PSD3: variants seen among roughly 807,000 people sequenced by gnomAD.
The protein encoded by PSD3 is pleckstrin and Sec7 domain containing 3.
PSD3 carries 49 observed loss-of-function variants against 105.5 expected under a neutral mutation model. The observed-to-expected ratio is 0.46, with a 90% CI of 0.37 to 0.59. The LOEUF is 0.59. PSD3 is among the 20% of genes least tolerant of loss of function. The pLI, the probability that PSD3 is intolerant of heterozygous loss-of-function variation, is 0.00. For missense variants in PSD3, 1,561 were observed against 1,263.8 expected (o/e 1.24, Z -3.57); for synonymous variants, 557 against 457.8 (o/e 1.22, Z -2.77).
intron 4 of PSD3, among the ~76,000 whole-genome samples, chr8:18,855,015 G>A (rs561256791): frequency 1.3e-5 from 2 of 152,264 alleles, no homozygotes; most frequent in African/African-American, 2.4e-5. Flanking sequence ...GAGATCCACT[G>A]GAAGCCGTGG....
chr8:18,547,313 T>C (rs1176631806), intron 15 of PSD3, among the ~76,000 whole-genome samples: 1 of 152,198 alleles, frequency 6.6e-6, no homozygotes. Context: ...TCTGAAGCAA[T>C]GTAGCTGTGT....
chr8:18,799,133 TA>T, intron 8 of PSD3, 161 bp downstream of exon 8: 3 of 652,508 alleles, frequency 4.6e-6, no homozygotes, highest in Non-Finnish European at 5.3e-6. Context: ...GCATGTGAAA[TA>T]AAAAAATTAT....
chr8:18,949,062 A>C (rs1168801643), intron 1 of PSD3, among the ~76,000 whole-genome samples: 1 of 149,828 alleles, frequency 6.7e-6, no homozygotes, highest in Non-Finnish European at 1.5e-5. Context: ...CTCTACTAAA[A>C]ATACAAAAAA....
upstream of PSD3, among the ~76,000 whole-genome samples, chr8:19,013,883 G>A (rs1000503180): frequency 1.3e-5 from 2 of 150,066 alleles, no homozygotes; most frequent in South Asian, 2.1e-4. Flanking sequence ...GGGGAGGGGG[G>A]AGGTGGCTGG....
intron 14 of PSD3, among the ~76,000 whole-genome samples, chr8:18,568,114 ATGCCATGCTTCG>A (rs1228077122): frequency 6.6e-6 from 1 of 152,128 alleles, no homozygotes; most frequent in Non-Finnish European, 1.5e-5. Flanking sequence ...GCAGATGCTG[ATGCCATGCTTCG>A]TGTATAGCCT....
rs918040465 is a variant in PSD3 at position 18,847,948 on chromosome 8, T to C, written c.1634+19726A>G. ...GGGGAGACATGAGCCTGGTTAAATA[T>C]TCAGGGAAGAAAAAGACCCATGACA... On this transcript the variant is annotated intron_variant, in intron 4 of 15. Transcript: ENST00000327040. Among the ~76,000 whole-genome samples, 6 of 152,200 alleles carry C rather than the reference T, an allele frequency of 3.9e-5. No individual in the cohort carries two copies. The East Asian group carries it at 7.7e-4, about 20-fold the overall frequency.
chr8:18,789,881 C>T (rs114239963), intron 8 of PSD3, among the ~76,000 whole-genome samples: 5 of 152,152 alleles, frequency 3.3e-5, no homozygotes, highest in South Asian at 2.1e-4. Flanking sequence ...TCCTTGATCA[C>T]GTTCTATAAC....
At chr8:18,796,718 T>C (rs778330369) in intron 8 of PSD3, among the ~76,000 whole-genome samples, 1 of 152,090 alleles carries the variant, frequency 6.6e-6, no homozygotes, top group East Asian at 1.9e-4. Context: ...TGAAAGCATA[T>C]GAGGACAAGC....
intron 9 of PSD3, among the ~76,000 whole-genome samples, chr8:18,661,914 G>C (rs780090422): frequency 2.6e-5 from 4 of 152,098 alleles, no homozygotes; most frequent in Non-Finnish European, 4.4e-5. Context: ...CGCCACATTA[G>C]AGAATGTATA....
intron 2 of PSD3, among the ~76,000 whole-genome samples, chr8:18,874,807 G>C (rs1486732861): frequency 6.6e-6 from 1 of 151,634 alleles, no homozygotes; most frequent in African/African-American, 2.4e-5. Context: ...ACTAATAATA[G>C]GTGTATTGCT....
intron 4 of PSD3, among the ~76,000 whole-genome samples, chr8:18,829,493 C>T (rs1453602887): frequency 6.6e-6 from 1 of 152,172 alleles, no homozygotes; most frequent in East Asian, 1.9e-4. Flanking sequence ...AACGCCCTAG[C>T]ATGCTGTTCC....
chr8:19,004,129 C>A (rs1388505407), intron 1 of PSD3, among the ~76,000 whole-genome samples: 1 of 151,992 alleles, frequency 6.6e-6, no homozygotes, highest in Admixed American at 6.6e-5. Flanking sequence ...CAAGAAGGGT[C>A]TTCTAGGTAG....
intron 1 of PSD3, among the ~76,000 whole-genome samples, chr8:18,971,919 C>T (rs75474361): frequency 0.28 from 42,671 of 151,916 alleles, 6,804 homozygotes; most frequent in Middle Eastern, 0.51. Context: ...GTAGGAGAAT[C>T]GCTTGAGCCT....
chr8:18,803,744 T>G (rs1399646092), intron 6 of PSD3, among the ~76,000 whole-genome samples: 1 of 150,738 alleles, frequency 6.6e-6, no homozygotes, highest in African/African-American at 2.4e-5. Flanking sequence ...AGAAGAGAAG[T>G]AGAATAGTGT....
rs529803158 is a variant in PSD3 at position 18,916,974 on chromosome 8, C to T, written c.130+19060G>A. Among the ~76,000 whole-genome samples the T allele has an allele frequency of 6.6e-5, 10 of 152,178 alleles. No individual in the cohort carries two copies. In the South Asian group the frequency reaches 2.1e-3, roughly 32 times the overall value. On this transcript the variant is annotated intron_variant, in intron 2 of 15. Transcript: ENST00000327040. ...TTCCCTCTAGCCCAGACCTGATACC[C>T]ACCAGCCCACTGAATATCTGCATCT...
intron 8 of PSD3, among the ~76,000 whole-genome samples, chr8:18,777,543 A>C (rs1337689916): frequency 2.0e-5 from 3 of 152,198 alleles, no homozygotes; most frequent in African/African-American, 7.2e-5. Context: ...GAAAACATTA[A>C]CACATAATAA....
At chr8:18,831,619 G>T (rs763967008) in intron 4 of PSD3, among the ~76,000 whole-genome samples, 1 of 152,182 alleles carries the variant, frequency 6.6e-6, no homozygotes, top group Non-Finnish European at 1.5e-5. Context: ...CTAGTCAGGA[G>T]GCTGAGGAAG....
chr8:18,820,293 A>G (rs1001430487), intron 4 of PSD3, among the ~76,000 whole-genome samples: 13 of 151,712 alleles, frequency 8.6e-5, no homozygotes, highest in Admixed American at 6.6e-4. Context: ...TAAAATATAA[A>G]ATATAATAAA....
intron 1 of PSD3, among the ~76,000 whole-genome samples, chr8:19,004,735 G>A (rs1216923589): frequency 6.6e-6 from 1 of 152,040 alleles, no homozygotes; most frequent in East Asian, 1.9e-4. Flanking sequence ...ATTCCCATGT[G>A]TCGTGTGAGG....
Sources: gnomAD v4.1 joint callset for allele counts (sites outside exome capture counted in the v4.1 genomes callset) on GRCh38, gnomAD v4.1.1 for gene constraint, MANE v1.5 for transcripts, NCBI Gene and HGNC (gene_info 2026-07-23, HGNC 2026-07-21) for gene names.